Variants in ADGRV1 observed in about 807,000 individuals in gnomAD.
The protein encoded by ADGRV1 is adhesion G protein-coupled receptor V1.
ADGRV1 carries 359 observed loss-of-function variants against 596.2 expected under a neutral mutation model. The ratio of observed to expected loss-of-function variants is 0.60; its 90% CI spans 0.55 to 0.66. The LOEUF is 0.66. ADGRV1 is among the 30% of genes least tolerant of loss of function. ADGRV1 has a pLI of 0.00. For missense variants in ADGRV1, 7,274 were observed against 7,575.6 expected (o/e 0.96, Z 1.48); for synonymous variants, 2,681 against 2,679.2 (o/e 1.00, Z -0.02).
At chr5:90,711,101 A>G (rs752511266) in intron 40 of ADGRV1, 42 bp downstream of exon 40, 28 of 1,567,376 alleles carry the variant, frequency 1.8e-5, no homozygotes, top group African/African-American at 5.5e-5. Context: ...TGGGTTTCAT[A>G]TTATTTACTA....
At chr5:90,562,561 C>T (rs1180657782) in intron 1 of ADGRV1, among the ~76,000 whole-genome samples, 3 of 152,172 alleles carry the variant, frequency 2.0e-5, no homozygotes, top group South Asian at 2.1e-4. Flanking sequence ...AGTCCCTCCC[C>T]GAGCTGCTGG....
intron 10 of ADGRV1, among the ~76,000 whole-genome samples, chr5:90,637,124 AT>A (rs1187298043): frequency 1.3e-5 from 2 of 152,178 alleles, no homozygotes; most frequent in Non-Finnish European, 2.9e-5. Context: ...ATAGGGAATC[AT>A]TAGCTTTATT....
chr5:91,146,420 A>G (rs1795539159), intron 87 of ADGRV1, among the ~76,000 whole-genome samples: 2 of 152,238 alleles, frequency 1.3e-5, no homozygotes, highest in Admixed American at 1.3e-4. Flanking sequence ...GCAATTGTCA[A>G]GAGTTTGACT....
intron 20 of ADGRV1, among the ~76,000 whole-genome samples, chr5:90,657,704 T>C (rs545762155): frequency 1.9e-4 from 29 of 152,276 alleles, no homozygotes; most frequent in African/African-American, 7.0e-4. Context: ...TAGTACAAAA[T>C]ATAAATCCTA....
At chr5:90,828,776 T>A (rs1297897505) in intron 76 of ADGRV1, among the ~76,000 whole-genome samples, 168 bp from the exon 77 acceptor site, 2 of 152,276 alleles carry the variant, frequency 1.3e-5, no homozygotes, top group East Asian at 3.9e-4. Flanking sequence ...ATAAATGTCA[T>A]GATAATCTAA....
chr5:90,992,078 T>A (rs1307990162), intron 85 of ADGRV1, among the ~76,000 whole-genome samples: 3 of 152,206 alleles, frequency 2.0e-5, no homozygotes, highest in Non-Finnish European at 4.4e-5. Context: ...AGACTAGCAT[T>A]TTCTATCTAT....
chr5:90,831,044 G>GC (rs1407336111), intron 77 of ADGRV1, among the ~76,000 whole-genome samples: 2 of 152,056 alleles, frequency 1.3e-5, no homozygotes, highest in Admixed American at 1.3e-4. Flanking sequence ...AAGCCTGCTG[G>GC]CTTTTGCACG....
chr5:91,120,542 T>C (rs1793221962), intron 87 of ADGRV1, among the ~76,000 whole-genome samples: 1 of 152,178 alleles, frequency 6.6e-6, no homozygotes, highest in South Asian at 2.1e-4. Flanking sequence ...ATTTTTTTTT[T>C]CTAATCAGAG....
At chr5:90,758,799 A>C (rs1756123350) in intron 57 of ADGRV1, among the ~76,000 whole-genome samples, 1 of 152,238 alleles carries the variant, frequency 6.6e-6, no homozygotes, top group Admixed American at 6.5e-5. Context: ...CAGTTTATAA[A>C]AACTTTTAAC....
intron 76 of ADGRV1, among the ~76,000 whole-genome samples, chr5:90,827,161 T>G (rs1012983527): frequency 6.6e-6 from 1 of 152,186 alleles, no homozygotes; most frequent in Admixed American, 6.5e-5. Context: ...AATCATCTTA[T>G]ACTAGTTAGG....
chr5:90,878,330 G>C (rs1024157563), intron 83 of ADGRV1, among the ~76,000 whole-genome samples: 2 of 152,156 alleles, frequency 1.3e-5, no homozygotes. Flanking sequence ...TATGTCTAAC[G>C]CACACTGCCT....
At chr5:90,765,940 T>C (rs545797855) in intron 59 of ADGRV1, among the ~76,000 whole-genome samples, 13 of 151,958 alleles carry the variant, frequency 8.6e-5, no homozygotes, top group East Asian at 1.9e-4. Context: ...GACAGAGTCT[T>C]GCTCTGTCAC....
At chr5:90,617,688 A>G (rs1174786078) in intron 2 of ADGRV1, 116 bp from the exon 3 acceptor site, 5 of 840,260 alleles carry the variant, frequency 6.0e-6, no homozygotes, top group Non-Finnish European at 7.2e-6. Flanking sequence ...CACCCTATCT[A>G]TAAACATAAA....
intron 83 of ADGRV1, among the ~76,000 whole-genome samples, chr5:90,962,208 A>G (rs1275831465): frequency 6.6e-6 from 1 of 152,238 alleles, no homozygotes; most frequent in Non-Finnish European, 1.5e-5. Context: ...TGTGAGTTAT[A>G]CACAAAAGAA....
intron 53 of ADGRV1, among the ~76,000 whole-genome samples, chr5:90,751,975 G>A (rs1181714208): frequency 2.6e-5 from 4 of 151,984 alleles, no homozygotes; most frequent in Admixed American, 1.3e-4. Flanking sequence ...ATATATAATG[G>A]TACCTTAAAC....
intron 87 of ADGRV1, among the ~76,000 whole-genome samples, chr5:91,104,135 CT>C (rs1230521169): frequency 6.6e-6 from 1 of 150,892 alleles, no homozygotes; most frequent in African/African-American, 2.4e-5. Context: ...CATGTTTGTA[CT>C]GGAAAGATAA....
chr5:90,755,953 T>C (rs1307675785), intron 55 of ADGRV1, among the ~76,000 whole-genome samples: 1 of 151,136 alleles, frequency 6.6e-6, no homozygotes, highest in Non-Finnish European at 1.5e-5. Context: ...ATATAAGGGA[T>C]GGGATAGAAA....
intron 11 of ADGRV1, 31 bp downstream of exon 11, chr5:90,637,979 C>A: frequency 2.1e-6 from 3 of 1,442,222 alleles, no homozygotes; most frequent in Non-Finnish European, 2.9e-6. Context: ...TGTTTAGTAT[C>A]ATTTATGTTT....
At chr5:90,807,059 G>A (rs550280878) in intron 72 of ADGRV1, among the ~76,000 whole-genome samples, 4 of 152,078 alleles carry the variant, frequency 2.6e-5, no homozygotes, top group African/African-American at 9.6e-5. Flanking sequence ...CACCATGTTG[G>A]CCAGGCTGGT....
Sources: gnomAD v4.1 joint callset for allele counts (sites outside exome capture counted in the v4.1 genomes callset) on GRCh38, gnomAD v4.1.1 for gene constraint, MANE v1.5 for transcripts, NCBI Gene and HGNC (gene_info 2026-07-23, HGNC 2026-07-21) for gene names.